The following CNTN6 variants were observed in gnomAD, a reference collection of about 807,000 sequenced individuals.
CNTN6 encodes contactin-6.
CNTN6 carries 137 observed loss-of-function variants against 122.8 expected under a neutral mutation model. That is an observed-to-expected ratio of 1.12 (90% CI 0.97 to 1.29). The LOEUF is 1.29. CNTN6 is among the 50% of genes most tolerant of loss of function. The pLI is 0.00. For synonymous variants in CNTN6, 570 were observed against 426.0 expected (o/e 1.34, Z -4.16); for missense variants, 1,634 against 1,223.4 (o/e 1.34, Z -5.01).
chr3:1,395,413 C>G (rs1694863389), intron 20 of CNTN6, among the ~76,000 whole-genome samples: 1 of 152,114 alleles, frequency 6.6e-6, no homozygotes, highest in Non-Finnish European at 1.5e-5. Context: ...TTCCTGTTTT[C>G]TGGCTTTTGG....
At chr3:1,205,664 T>G (rs11128580) in intron 2 of CNTN6, among the ~76,000 whole-genome samples, 10,143 of 152,134 alleles carry the variant, frequency 0.067, 413 homozygotes, top group Middle Eastern at 0.11. Flanking sequence ...AATCATCAAT[T>G]TCAAAGAAAT....
chr3:1,325,906 C>T lies in CNTN6; in HGVS notation c.1038C>T (p.Asn346=), dbSNP rs201154294. ...AATGTAAAGCTAGTGGAAAGCCAAACCCTTGGTATACATGGTTAAAAAATG... is the reference window on the plus strand; with the variant it reads ...AATGTAAAGCTAGTGGAAAGCCAAATCCTTGGTATACATGGTTAAAAAATG... The part of the protein sequence containing the change: ...LWECKASGKP[N]PWYTWLKNGE... The change falls in exon 9 of 23, where the codon AAC becomes AAT. Residue 346 remains asparagine (N), a synonymous_variant. Coordinates refer to ENST00000446702, the MANE Select transcript of CNTN6 (RefSeq NM_001289080.2). 5 of 1,611,602 alleles carry T rather than the reference C, an allele frequency of 3.1e-6. No homozygotes were observed. In the East Asian group the frequency reaches 1.1e-4, roughly 36 times the overall value.
chr3:1,186,442 A>T (rs983661341), intron 2 of CNTN6, among the ~76,000 whole-genome samples: 3 of 152,106 alleles, frequency 2.0e-5, no homozygotes, highest in African/African-American at 7.2e-5. Flanking sequence ...CTTTCAGGAA[A>T]AAAAAAAATC....
chr3:1,379,813 T>C lies in CNTN6; in HGVS notation c.2166+2738T>C, dbSNP rs145095525. Among the ~76,000 whole-genome samples, 700 of 152,144 alleles carry C rather than the reference T, an allele frequency of 4.6e-3. 9 individuals are homozygous for C. The highest frequency in any genetic ancestry group is 0.016 in the African/African-American group (652 of 41,552). On this transcript the variant is annotated intron_variant, in intron 17 of 22. Coordinates refer to ENST00000446702, the MANE Select transcript of CNTN6 (RefSeq NM_001289080.2). Reference sequence around the variant, plus strand: ...ATGTACAAGCAGATACTGAGCCAACTTCTTCTGGTGCCCAGCTTCTTTATG... The same window carrying C: ...ATGTACAAGCAGATACTGAGCCAACCTCTTCTGGTGCCCAGCTTCTTTATG...
intron 4 of CNTN6, among the ~76,000 whole-genome samples, chr3:1,261,979 ATGCGACTGGAC>A (rs1245474460): frequency 6.6e-6 from 1 of 152,300 alleles, no homozygotes; most frequent in Non-Finnish European, 1.5e-5. Flanking sequence ...ATTACTGGAT[ATGCGACTGGAC>A]TGCACTTATG....
At chr3:1,369,079 C>A (rs1708622279) in intron 12 of CNTN6, among the ~76,000 whole-genome samples, 1 of 152,188 alleles carries the variant, frequency 6.6e-6, no homozygotes, top group South Asian at 2.1e-4. Flanking sequence ...GATCACAGTT[C>A]TTTTTCACAC....
intron 1 of CNTN6, among the ~76,000 whole-genome samples, chr3:1,099,485 C>T (rs1036385385): frequency 1.3e-5 from 2 of 152,032 alleles, no homozygotes; most frequent in African/African-American, 4.8e-5. Context: ...TAAATAAATA[C>T]AGTTCTAGGA....
At chr3:1,154,796 A>C (rs1035544992) in intron 2 of CNTN6, among the ~76,000 whole-genome samples, 1 of 152,170 alleles carries the variant, frequency 6.6e-6, no homozygotes. Flanking sequence ...GATGCTTAAA[A>C]TCAAACTCCT....
intron 11 of CNTN6, among the ~76,000 whole-genome samples, chr3:1,344,627 G>A (rs187527831): frequency 4.6e-5 from 7 of 152,260 alleles, no homozygotes; most frequent in African/African-American, 9.6e-5. Flanking sequence ...GGCAGGTTCT[G>A]TGAAGGAGGG....
chr3:1,309,831 A>C (rs1211712475), intron 7 of CNTN6, among the ~76,000 whole-genome samples: 1 of 152,166 alleles, frequency 6.6e-6, no homozygotes, highest in Non-Finnish European at 1.5e-5. Flanking sequence ...AGTTTTCTGC[A>C]TGTAAATTCT....
At chr3:1,329,545 A>T (rs112423837) in intron 10 of CNTN6, among the ~76,000 whole-genome samples, 7 of 151,908 alleles carry the variant, frequency 4.6e-5, no homozygotes, top group African/African-American at 1.7e-4. Context: ...CAACTGTTAC[A>T]TCATTTAATC....
rs1394388726 is a variant in CNTN6 at position 1,389,087 on chromosome 3, G to T, written c.2704+3290G>T. Among the ~76,000 whole-genome samples, 111 of 145,456 alleles carry T rather than the reference G, an allele frequency of 7.6e-4. 1 individual carries two copies. Among genetic ancestry groups the T allele is most frequent in the African/African-American group, 2.6e-3 (106 of 40,138 alleles). On this transcript the variant is annotated intron_variant, in intron 20 of 22. Transcript: ENST00000446702. Reference sequence around the variant, plus strand: ...ACGCCACAAAGATACTCCTCGAGAAGAGCAACTCCAAGACACATAATTGTC... The same window carrying T: ...ACGCCACAAAGATACTCCTCGAGAATAGCAACTCCAAGACACATAATTGTC...
intron 5 of CNTN6, among the ~76,000 whole-genome samples, chr3:1,283,784 G>A (rs1693879280): frequency 6.6e-6 from 1 of 152,100 alleles, no homozygotes; most frequent in Non-Finnish European, 1.5e-5. Flanking sequence ...CAGATCACCT[G>A]AGGTCAGGAG....
chr3:1,147,968 C>A lies in CNTN6; in HGVS notation c.-41C>A, dbSNP rs769828572. ...CTGGAAGATAGACTGTTTTGTTCCA[C>A]CTGATTGTATGGGAGAAATTTTTGA... On this transcript the variant is annotated 5_prime_UTR_variant, in exon 2 of 23. Coordinates refer to ENST00000446702, the MANE Select transcript of CNTN6 (RefSeq NM_001289080.2). 1.3e-6 allele frequency: 2 copies of A among 1,506,020 alleles called. No homozygotes were observed. The highest frequency in any genetic ancestry group is 1.8e-6 in the Non-Finnish European group (2 of 1,084,108). 93.3% of individuals were successfully genotyped at this position (1,506,020 alleles called of 1,614,324 possible). A position where few individuals can be genotyped will look rare whatever the true frequency, so the allele number is the denominator to read the frequency against.
intron 1 of CNTN6, among the ~76,000 whole-genome samples, chr3:1,099,226 C>G (rs527515824): frequency 1.3e-5 from 2 of 151,888 alleles, no homozygotes; most frequent in Non-Finnish European, 2.9e-5. Context: ...CCGAGGCGGG[C>G]GGATCACGAG....
chr3:1,258,930 A>T (rs760388986), intron 4 of CNTN6, among the ~76,000 whole-genome samples: 1 of 152,120 alleles, frequency 6.6e-6, no homozygotes, highest in Non-Finnish European at 1.5e-5. Context: ...AAAGAGCCAG[A>T]TAGTAAATAT....
intron 2 of CNTN6, among the ~76,000 whole-genome samples, chr3:1,158,576 A>C (rs2093029793): frequency 7.0e-6 from 1 of 143,684 alleles, no homozygotes; most frequent in Admixed American, 7.6e-5. Context: ...ACACAGACTC[A>C]ATTTTTTTTG....
chr3:1,324,500 G>T lies in CNTN6; in HGVS notation c.947-1315G>T, dbSNP rs1171701446. On this transcript the variant is annotated intron_variant, in intron 8 of 22. Coordinates refer to ENST00000446702, the MANE Select transcript of CNTN6 (RefSeq NM_001289080.2). ...TGGGTTTTCTTTGGCTCCTTCGTGA[G>T]CCTACTCAGCATTTAAGCATGCCCA... is the stretch of plus-strand genomic sequence containing the variant. Among the ~76,000 whole-genome samples the T allele has an allele frequency of 2.0e-5, 3 of 149,656 alleles. No individual in the cohort carries two copies. In the South Asian group the frequency reaches 6.2e-4, roughly 31 times the overall value.
intron 5 of CNTN6, among the ~76,000 whole-genome samples, chr3:1,279,075 C>T (rs990136481): frequency 2.0e-5 from 3 of 152,254 alleles, no homozygotes; most frequent in Non-Finnish European, 4.4e-5. Flanking sequence ...ACATTAATTA[C>T]CGGAAGGGAT....
Sources: gnomAD v4.1 joint callset for allele counts (sites outside exome capture counted in the v4.1 genomes callset) on GRCh38, gnomAD v4.1.1 for gene constraint, MANE v1.5 for transcripts, NCBI Gene and HGNC (gene_info 2026-07-23, HGNC 2026-07-21) for gene names.